The following ERO1A variants were observed in gnomAD, a reference collection of about 807,000 sequenced individuals.
ERO1A encodes the protein endoplasmic reticulum oxidoreductase 1 alpha.
Under a neutral mutation model 76.9 loss-of-function variants are expected in ERO1A, and 49 were observed. That is an observed-to-expected ratio of 0.64 (90% CI 0.51 to 0.81). The LOEUF (loss-of-function observed/expected upper bound fraction) is 0.81. Among genes scored for constraint, ERO1A ranks in the 30% least tolerant of loss-of-function variants. ERO1A has a pLI of 0.00. For missense variants in ERO1A, 448 were observed against 542.1 expected, an observed-to-expected ratio of 0.83 and a Z score of 1.72; for synonymous variants, 174 against 181.2, an observed-to-expected ratio of 0.96 and a Z score of 0.32.
At chr14:52,664,018 T>C (rs913658096) in intron 7 of ERO1A, 171 bp from the exon 8 acceptor site, 2 of 462,584 alleles carry the variant, frequency 4.3e-6, no homozygotes, top group Non-Finnish European at 7.9e-6. Flanking sequence ...CTATTTGTTG[T>C]AGTGATAATA....
chr14:52,669,148 T>C (rs1307002865), intron 6 of ERO1A, among the ~76,000 whole-genome samples: 1 of 152,210 alleles, frequency 6.6e-6, no homozygotes, highest in African/African-American at 2.4e-5. Context: ...TTTACATCCA[T>C]TATTTATTCC....
intron 1 of ERO1A, among the ~76,000 whole-genome samples, chr14:52,691,491 C>T (rs2041353121): frequency 6.6e-6 from 1 of 152,170 alleles, no homozygotes; most frequent in Non-Finnish European, 1.5e-5. Flanking sequence ...TTTCAAAGAT[C>T]CCTCTGACTA....
intron 1 of ERO1A, among the ~76,000 whole-genome samples, chr14:52,693,503 T>C (rs986821723): frequency 2.6e-5 from 4 of 152,084 alleles, no homozygotes; most frequent in African/African-American, 4.8e-5. Context: ...ACTCCCTTTA[T>C]ATATATATTC....
intron 13 of ERO1A, among the ~76,000 whole-genome samples, chr14:52,650,737 C>G (rs7157749): frequency 0.21 from 31,985 of 152,070 alleles, 3,406 homozygotes; most frequent in African/African-American, 0.25. Flanking sequence ...TGGAAGCTCT[C>G]TTTCCTTTTA....
intron 3 of ERO1A, among the ~76,000 whole-genome samples, chr14:52,678,746 C>T (rs141729302): frequency 1.7e-3 from 252 of 152,224 alleles, no homozygotes; most frequent in African/African-American, 6.0e-3. Flanking sequence ...TTCAAATTGT[C>T]CCGTATTTGG....
intron 1 of ERO1A, among the ~76,000 whole-genome samples, chr14:52,691,863 A>G (rs28478222): frequency 0.13 from 19,534 of 152,268 alleles, 1,378 homozygotes; most frequent in South Asian, 0.24. Context: ...TACAATTCTT[A>G]CATGAGGTTA....
At chr14:52,689,613 G>A (rs1199641378) in intron 1 of ERO1A, among the ~76,000 whole-genome samples, 3 of 151,962 alleles carry the variant, frequency 2.0e-5, no homozygotes, top group Admixed American at 6.6e-5. Flanking sequence ...AAACTATAAA[G>A]CAGTGATTAA....
At position 52,684,700 on chromosome 14, in the gene ERO1A, A is replaced by G. The variant is rs148516514; in HGVS notation, c.115-793T>C. Among the ~76,000 whole-genome samples, 494 of 152,328 alleles carry G rather than the reference A, an allele frequency of 3.2e-3. 5 individuals carry two copies. Among genetic ancestry groups the G allele is most frequent in the African/African-American group, 0.011 (470 of 41,584 alleles). ...TCCTGCTCTTCAAATGTTTAAAGCT[A>G]ATGTCTTAATGGTATGTACTAAATC... On this transcript the variant is annotated intron_variant, in intron 1 of 15. Coordinates refer to ENST00000395686, the MANE Select transcript of ERO1A (RefSeq NM_014584.3).
chr14:52,694,766 C>T (rs2139809595), intron 1 of ERO1A, among the ~76,000 whole-genome samples: 1 of 152,248 alleles, frequency 6.6e-6, no homozygotes, highest in African/African-American at 2.4e-5. Context: ...ACCAGCTTAA[C>T]GGGTGTCACG....
intron 13 of ERO1A, 61 bp from the exon 14 acceptor site, chr14:52,646,522 T>C: frequency 7.5e-7 from 1 of 1,338,460 alleles, no homozygotes; most frequent in South Asian, 1.3e-5. Flanking sequence ...GTAAGTATTT[T>C]CTGAGCAGGT....
chr14:52,646,080 G>C, intron 15 of ERO1A, 74 bp downstream of exon 15: 2 of 1,479,838 alleles, frequency 1.4e-6, no homozygotes, highest in Non-Finnish European at 9.1e-7. Context: ...TCCTTACCCA[G>C]TTTTTTCTGA....
rs368708365 is a variant in ERO1A, at chr14:52,646,164, C to T, written c.1336G>A (p.Ala446Thr). The part of the protein sequence containing the change: ...TRQEIVSLFN[A>T]FGRISTSVKE... ...TACATTCAAACTAACCTTCCAAATGCGTTGAATAATGATACTATTTCTTGT... is the reference window on the plus strand; with the variant it reads ...TACATTCAAACTAACCTTCCAAATGTGTTGAATAATGATACTATTTCTTGT... Residue 446 changes from alanine to threonine, a missense_variant, in exon 15 of 16, where the codon GCA (alanine) becomes ACA (threonine). Transcript: ENST00000395686. The T allele has an allele frequency of 1.8e-5, 29 of 1,610,050 alleles. No individual in the cohort carries two copies. The highest frequency in any genetic ancestry group is 2.2e-5 in the South Asian group (2 of 90,158).
rs1594816585 is a variant in ERO1A, at chr14:52,643,500, A to G, written c.*70T>C. 4 of 1,016,338 alleles carry G rather than the reference A, an allele frequency of 3.9e-6. No individual in the cohort carries two copies. In the East Asian group the frequency reaches 1.2e-4, roughly 31 times the overall value. The allele number at this position is 1,016,338 out of a possible 1,614,324, so 63.0% of individuals were successfully genotyped here. Reference sequence around the variant, plus strand: ...TTGGCTTAAGACTGTCATTGCTATTATGCCTTTGAATGAAATTCCACTCTT... The same window carrying G: ...TTGGCTTAAGACTGTCATTGCTATTGTGCCTTTGAATGAAATTCCACTCTT... On this transcript the variant is annotated 3_prime_UTR_variant, in exon 16 of 16. Coordinates refer to ENST00000395686, the MANE Select transcript of ERO1A (RefSeq NM_014584.3).
chr14:52,676,535 C>G (rs2040790387), intron 4 of ERO1A, among the ~76,000 whole-genome samples: 1 of 152,210 alleles, frequency 6.6e-6, no homozygotes, highest in African/African-American at 2.4e-5. Flanking sequence ...TGTAAGGAGG[C>G]AGCTGTCCCT....
intron 1 of ERO1A, among the ~76,000 whole-genome samples, chr14:52,685,983 G>A (rs764685683): frequency 1.0e-3 from 152 of 152,244 alleles, no homozygotes; most frequent in Non-Finnish European, 1.7e-3. Context: ...AGGCCAAGGC[G>A]GGAGGATCAC....
chr14:52,640,563 C>T lies in ERO1A; in HGVS notation c.*3007G>A, dbSNP rs948099558. 1 of 152,236 alleles carries T rather than the reference C, an allele frequency of 6.6e-6. No homozygotes were observed. The highest frequency in any genetic ancestry group is 2.4e-5 in the African/African-American group (1 of 41,436). The allele number at this position is 152,236 out of a possible 1,614,324, so 9.4% of individuals were successfully genotyped here. ...GAAGGATATTAGGGAGTAACACTGT[C>T]AGAGTGCTTCTAGAAAGCCTGCTGT... On this transcript the variant is annotated 3_prime_UTR_variant, in exon 16 of 16. Transcript: ENST00000395686.
intron 6 of ERO1A, among the ~76,000 whole-genome samples, chr14:52,669,825 A>G (rs1034078489): frequency 6.6e-6 from 1 of 152,250 alleles, no homozygotes; most frequent in African/African-American, 2.4e-5. Context: ...TTCCCCAAAA[A>G]GAAGCCACAA....
chr14:52,652,228 A>AG lies in ERO1A; in HGVS notation c.1125+10_1125+11insC. On this transcript the variant is annotated intron_variant, in intron 13 of 15. Transcript: ENST00000395686. ...CAGTTTGTATCTAACAGTTAAGTAT[A>AG]AAGTAATTACCTTTAGTTTGTGTGC... 1 of 1,503,448 alleles carries AG rather than the reference A, an allele frequency of 6.7e-7. No individual in the cohort carries two copies. The allele number at this position is 1,503,448 out of a possible 1,614,324, so 93.1% of individuals were successfully genotyped here. A position where few individuals can be genotyped will look rare whatever the true frequency, so the allele number is the denominator to read the frequency against.
rs540452976 is a variant in ERO1A, at chr14:52,681,954, T to G, written c.318+371A>C. 3.9e-5 allele frequency among the ~76,000 whole-genome samples: 6 copies of G among 152,366 alleles called. No homozygotes were observed. In the East Asian group the frequency reaches 1.2e-3, roughly 29 times the overall value. ...TCCCTAATAAGTCAAAGGATTATAT[T>G]AACCACAAAATGTTAATTCTATTAT... On this transcript the variant is annotated intron_variant, in intron 3 of 15. Coordinates refer to ENST00000395686, the MANE Select transcript of ERO1A (RefSeq NM_014584.3).
Sources: gnomAD v4.1 joint callset for allele counts (sites outside exome capture counted in the v4.1 genomes callset) on GRCh38, gnomAD v4.1.1 for gene constraint, MANE v1.5 for transcripts, NCBI Gene and HGNC (gene_info 2026-07-23, HGNC 2026-07-21) for gene names.